NELL1: variants seen among roughly 807,000 people sequenced by gnomAD.
NELL1 encodes neural EGFL like 1, also known as protein kinase C-binding protein NELL1.
In NELL1, 76 loss-of-function variants were observed where a neutral mutation model predicts 107.4. The ratio of observed to expected loss-of-function variants is 0.71; its 90% CI spans 0.59 to 0.86. The LOEUF (loss-of-function observed/expected upper bound fraction) is 0.86, where lower values mean the gene tolerates loss of function less well. NELL1 is among the 40% of genes least tolerant of loss of function. The pLI, the probability that NELL1 is intolerant of heterozygous loss-of-function variation, is 0.00. For missense variants in NELL1, 1,024 were observed against 1,005.5 expected (o/e 1.02, Z -0.25); for synonymous variants, 353 against 341.2 (o/e 1.03, Z -0.38).
At chr11:21,382,331 C>A (rs542002192) in intron 15 of NELL1, among the ~76,000 whole-genome samples, 148 of 151,966 alleles carry the variant, frequency 9.7e-4, no homozygotes, top group Middle Eastern at 3.4e-3. Flanking sequence ...AACTTTGGGA[C>A]GTAGAAATCC....
chr11:20,872,018 CAA>C (rs1160968611), intron 4 of NELL1, among the ~76,000 whole-genome samples: 14 of 41,704 alleles, frequency 3.4e-4, no homozygotes, highest in African/African-American at 1.1e-3. Flanking sequence ...GACTCCGTCT[CAA>C]AAAAAAAAAA....
chr11:21,521,092 T>A (rs1855714818), intron 15 of NELL1, among the ~76,000 whole-genome samples: 1 of 152,218 alleles, frequency 6.6e-6, no homozygotes, highest in Admixed American at 6.5e-5. Flanking sequence ...AGATCTAAAG[T>A]TATGGCTTTA....
At chr11:21,410,391 A>T (rs1053453647) in intron 15 of NELL1, among the ~76,000 whole-genome samples, 2 of 152,056 alleles carry the variant, frequency 1.3e-5, no homozygotes, top group Non-Finnish European at 2.9e-5. Flanking sequence ...TTTTGCTTAA[A>T]ACTCTCTGAG....
intron 12 of NELL1, among the ~76,000 whole-genome samples, chr11:20,985,440 G>T (rs72943122): frequency 0.016 from 2,367 of 152,236 alleles, 29 homozygotes; most frequent in Admixed American, 0.024. Context: ...TTTTAGAAAT[G>T]ATATACAGTT....
At chr11:21,103,670 C>T (rs371803264) in intron 12 of NELL1, among the ~76,000 whole-genome samples, 23 of 152,274 alleles carry the variant, frequency 1.5e-4, no homozygotes, top group African/African-American at 5.5e-4. Context: ...GTATTGCACT[C>T]TTACATCTTG....
intron 2 of NELL1, among the ~76,000 whole-genome samples, chr11:20,689,763 T>G (rs71488750): frequency 0.4 from 60,061 of 150,396 alleles, 13,762 homozygotes; most frequent in African/African-American, 0.63. Context: ...CGTGTGTCTT[T>G]ATAGCAGCAT....
At chr11:21,491,847 A>G (rs1854826087) in intron 15 of NELL1, among the ~76,000 whole-genome samples, 1 of 152,182 alleles carries the variant, frequency 6.6e-6, no homozygotes, top group Middle Eastern at 3.4e-3. Flanking sequence ...ATGTTCTTCC[A>G]TTTGTTTGTA....
rs1420550137 is a variant in NELL1, at chr11:21,281,736, A to T, written c.1549+52282A>T. Among the ~76,000 whole-genome samples the T allele has an allele frequency of 4.9e-5, 7 of 144,062 alleles. No individual in the cohort carries two copies. In the East Asian group the frequency reaches 1.6e-3, roughly 32 times the overall value. The allele number at this position is 144,062 out of a possible 152,430, so 94.5% of individuals were successfully genotyped here. A position where few individuals can be genotyped will look rare whatever the true frequency, so the allele number is the denominator to read the frequency against. On this transcript the variant is annotated intron_variant, in intron 14 of 19. Transcript: ENST00000357134. ...TTTGTTTGGGAGAAAGTAAGGAAAG[A>T]GAAGAAGAGTCTCTGCATGGTAATC... is the stretch of plus-strand genomic sequence containing the variant.
intron 15 of NELL1, among the ~76,000 whole-genome samples, chr11:21,496,532 C>T (rs1357380570): frequency 6.6e-6 from 1 of 151,636 alleles, no homozygotes. Flanking sequence ...GCCTCAGCCT[C>T]CCGAGTAGCT....
intron 2 of NELL1, among the ~76,000 whole-genome samples, chr11:20,745,089 G>A (rs577707685): frequency 3.3e-5 from 5 of 152,104 alleles, no homozygotes; most frequent in Non-Finnish European, 7.4e-5. Context: ...TCATTTACTT[G>A]TTTTGTTCAT....
intron 3 of NELL1, among the ~76,000 whole-genome samples, chr11:20,828,982 A>G (rs1857944961): frequency 6.6e-6 from 1 of 152,162 alleles, no homozygotes; most frequent in Non-Finnish European, 1.5e-5. Context: ...TGCAAGTCCA[A>G]AAGATAAAAT....
intron 12 of NELL1, among the ~76,000 whole-genome samples, chr11:20,985,788 T>C (rs997394874): frequency 1.3e-5 from 2 of 152,246 alleles, no homozygotes; most frequent in Admixed American, 6.5e-5. Flanking sequence ...AAGTCTTATA[T>C]AATTAGTGAA....
intron 7 of NELL1, among the ~76,000 whole-genome samples, chr11:20,922,180 GTCCCCCTA>G (rs1850394277): frequency 6.6e-6 from 1 of 152,008 alleles, no homozygotes. Context: ...CCCCAACTCT[GTCCCCCTA>G]TACCCTGTGC....
chr11:21,166,147 T>G lies in NELL1; in HGVS notation c.1426+52433T>G, dbSNP rs187871829. On this transcript the variant is annotated intron_variant, in intron 13 of 19. Transcript: ENST00000357134. ...GCACAGAAAGACAAACATGACATAT[T>G]CTCACTAATTTGTGGAAGCTAAACA... Among the ~76,000 whole-genome samples the G allele has an allele frequency of 1.3e-4, 20 of 151,766 alleles. No individual in the cohort carries two copies. The East Asian group carries it at 3.9e-3, about 29-fold the overall frequency.
intron 3 of NELL1, among the ~76,000 whole-genome samples, chr11:20,815,424 T>C (rs1002519379): frequency 6.6e-6 from 1 of 152,148 alleles, no homozygotes; most frequent in Admixed American, 6.5e-5. Context: ...ATGTGGAGCA[T>C]TTTTGCTTAT....
intron 12 of NELL1, among the ~76,000 whole-genome samples, chr11:21,083,273 G>A (rs1414876172): frequency 1.3e-5 from 2 of 152,216 alleles, no homozygotes; most frequent in African/African-American, 2.4e-5. Flanking sequence ...ATTGCTGGGT[G>A]TGTGTTACTC....
At position 21,501,499 on chromosome 11, in the gene NELL1, G is replaced by C. The variant is rs566850454; in HGVS notation, c.1646-32875G>C. Among the ~76,000 whole-genome samples the C allele has an allele frequency of 1.9e-4, 29 of 151,214 alleles. No homozygotes were observed. The South Asian group carries it at 5.0e-3, about 26-fold the overall frequency. Reference sequence around the variant, plus strand: ...TGACAACTGTTATTCCATCTCATCTGCATGTCCTATGCAGTGAGTCAAAGT... The same window carrying C: ...TGACAACTGTTATTCCATCTCATCTCCATGTCCTATGCAGTGAGTCAAAGT... On this transcript the variant is annotated intron_variant, in intron 15 of 19. Coordinates refer to ENST00000357134, the MANE Select transcript of NELL1 (RefSeq NM_006157.5).
intron 14 of NELL1, among the ~76,000 whole-genome samples, chr11:21,329,717 T>G (rs1850229897): frequency 6.6e-6 from 1 of 152,168 alleles, no homozygotes; most frequent in Admixed American, 6.6e-5. Flanking sequence ...ATTACTTTAA[T>G]GATCCTTTTT....
At chr11:21,379,988 C>A (rs1851572736) in intron 15 of NELL1, among the ~76,000 whole-genome samples, 2 of 152,028 alleles carry the variant, frequency 1.3e-5, no homozygotes, top group Non-Finnish European at 2.9e-5. Context: ...ACAGAGAATA[C>A]AATATTTATT....
Sources: allele counts gnomAD v4.1 joint callset (sites outside exome capture counted in the v4.1 genomes callset), GRCh38; gene constraint gnomAD v4.1.1; transcripts MANE v1.5; gene names NCBI Gene and HGNC (gene_info 2026-07-23, HGNC 2026-07-21).